Variants in WWOX observed in about 807,000 individuals in gnomAD.
WWOX encodes WW domain-containing oxidoreductase.
Under a neutral mutation model 46.2 loss-of-function variants are expected in WWOX, and 69 were observed. The ratio of observed to expected loss-of-function variants is 1.49; its 90% CI spans 1.23 to 1.82. The LOEUF (loss-of-function observed/expected upper bound fraction) is 1.82. Ranked by LOEUF, WWOX falls within the 40% of genes most tolerant of loss-of-function variation. WWOX has a pLI of 0.00. For synonymous variants in WWOX, 359 were observed against 202.6 expected (o/e 1.77, Z -6.56); for missense variants, 919 against 542.6 (o/e 1.69, Z -6.89).
chr16:78,829,028 C>T (rs1307174099), intron 8 of WWOX, among the ~76,000 whole-genome samples: 2 of 152,018 alleles, frequency 1.3e-5, no homozygotes, highest in African/African-American at 4.8e-5. Context: ...GCCATTCCAC[C>T]CCATCATAAA....
intron 8 of WWOX, among the ~76,000 whole-genome samples, chr16:78,761,953 C>A (rs778033781): frequency 6.6e-6 from 1 of 152,054 alleles, no homozygotes. Flanking sequence ...AAGACAAAGA[C>A]CACCTAGGAA....
At chr16:78,226,171 A>G (rs929556593) in intron 5 of WWOX, among the ~76,000 whole-genome samples, 3 of 152,164 alleles carry the variant, frequency 2.0e-5, no homozygotes, top group Non-Finnish European at 4.4e-5. Context: ...TTAAGCCCTC[A>G]AAGCTGAGCC....
intron 8 of WWOX, among the ~76,000 whole-genome samples, chr16:79,008,437 C>T (rs553828369): frequency 2.0e-5 from 3 of 152,306 alleles, no homozygotes; most frequent in African/African-American, 7.2e-5. Flanking sequence ...TGCTTGGTAG[C>T]CTAACTCACT....
rs954027346 is a variant in WWOX at position 78,147,510 on chromosome 16, C to T, written c.410-16673C>T. On this transcript the variant is annotated intron_variant, in intron 4 of 8. Transcript: ENST00000566780. ...TCAATTTGGACACTTTAAAAGTGAG[C>T]CTCAAAAAACTGCTGAATTTTCCCA... 6.6e-5 allele frequency among the ~76,000 whole-genome samples: 10 copies of T among 152,152 alleles called. No individual in the cohort carries two copies. The South Asian group carries it at 1.2e-3, about 19-fold the overall frequency.
At chr16:78,857,235 A>T (rs891805397) in intron 8 of WWOX, among the ~76,000 whole-genome samples, 3 of 152,222 alleles carry the variant, frequency 2.0e-5, no homozygotes, top group Non-Finnish European at 4.4e-5. Context: ...CAAGAAATTC[A>T]TTGAAAAGAA....
At position 78,418,070 on chromosome 16, in the gene WWOX, A is replaced by G. The variant is rs141575373; in HGVS notation, c.606-6800A>G. 3.8e-4 allele frequency among the ~76,000 whole-genome samples: 58 copies of G among 152,302 alleles called. No homozygotes were observed. The East Asian group carries it at 0.011, about 29-fold the overall frequency. On this transcript the variant is annotated intron_variant, in intron 6 of 8. Coordinates refer to ENST00000566780, the MANE Select transcript of WWOX (RefSeq NM_016373.4). ...GTGCTTTCCAGCAAGCGCTTAAAGA[A>G]TTAATACTGGCCGGGAACGGTGGCT...
chr16:78,364,759 T>TAAA (rs2081495449), intron 5 of WWOX, among the ~76,000 whole-genome samples: 1 of 152,216 alleles, frequency 6.6e-6, no homozygotes, highest in Non-Finnish European at 1.5e-5. Context: ...TGTGCTACCC[T>TAAA]GTGTATGTCT....
intron 8 of WWOX, among the ~76,000 whole-genome samples, chr16:78,676,531 C>G (rs1248830976): frequency 6.6e-6 from 1 of 151,958 alleles, no homozygotes; most frequent in African/African-American, 2.4e-5. Context: ...TGTTCCAACT[C>G]AAAGTCTACA....
At chr16:78,949,720 T>A (rs767136737) in intron 8 of WWOX, among the ~76,000 whole-genome samples, 13 of 152,224 alleles carry the variant, frequency 8.5e-5, no homozygotes, top group Non-Finnish European at 1.2e-4. Flanking sequence ...TAGCTGTCCC[T>A]GATCTACCTT....
Position 78,336,697 on chromosome 16 carries a change from C to G in WWOX, c.517-50163C>G, listed in dbSNP as rs541920824. Among the ~76,000 whole-genome samples, 13 of 152,138 alleles carry G rather than the reference C, an allele frequency of 8.5e-5. No homozygotes were observed. In the South Asian group the frequency reaches 2.5e-3, roughly 29 times the overall value. ...GGGAACATAGACCCAGAGCTGCCAT[C>G]TTTTCTAATTTTTTTAAAAATTAGA... On this transcript the variant is annotated intron_variant, in intron 5 of 8. Coordinates refer to ENST00000566780, the MANE Select transcript of WWOX (RefSeq NM_016373.4).
chr16:78,684,271 C>G (rs887621763), intron 8 of WWOX, among the ~76,000 whole-genome samples: 1 of 152,160 alleles, frequency 6.6e-6, no homozygotes, highest in Non-Finnish European at 1.5e-5. Context: ...ATGATTGGAC[C>G]TGCGGTCTGT....
chr16:79,187,967 C>G (rs79457880), intron 8 of WWOX, among the ~76,000 whole-genome samples: 1 of 152,230 alleles, frequency 6.6e-6, no homozygotes, highest in African/African-American at 2.4e-5. Flanking sequence ...CCTCTTATCT[C>G]GAAATGTCCA....
At chr16:78,656,182 G>C (rs895400690) in intron 8 of WWOX, among the ~76,000 whole-genome samples, 1 of 152,064 alleles carries the variant, frequency 6.6e-6, no homozygotes. Flanking sequence ...GTGTGTGTGG[G>C]TGGGTGGGTG....
chr16:78,496,550 C>G (rs965030920), intron 8 of WWOX: 3 of 152,184 alleles, frequency 2.0e-5, no homozygotes, highest in African/African-American at 7.2e-5. Context: ...CATTCTATGA[C>G]CATTGAATCT....
intron 8 of WWOX, among the ~76,000 whole-genome samples, chr16:78,860,056 C>G (rs1420302634): frequency 1.3e-5 from 2 of 152,080 alleles, no homozygotes; most frequent in African/African-American, 4.8e-5. Context: ...AAAATTGTAA[C>G]AATTTTCTAG....
intron 8 of WWOX, among the ~76,000 whole-genome samples, chr16:78,573,585 C>T (rs1163382611): frequency 6.6e-6 from 1 of 152,170 alleles, no homozygotes; most frequent in Non-Finnish European, 1.5e-5. Context: ...TTATAATGCT[C>T]AGCTTGTCAT....
intron 8 of WWOX, among the ~76,000 whole-genome samples, chr16:78,764,574 C>T (rs972486044): frequency 2.9e-5 from 4 of 138,276 alleles, no homozygotes; most frequent in African/African-American, 5.3e-5. Context: ...ATCTGTTACT[C>T]GCTCACATGT....
At chr16:78,757,461 C>T (rs534431485) in intron 8 of WWOX, among the ~76,000 whole-genome samples, 3 of 152,170 alleles carry the variant, frequency 2.0e-5, no homozygotes, top group South Asian at 4.1e-4. Flanking sequence ...GATGTGTTTG[C>T]CTGACAAATA....
At chr16:79,040,400 G>C (rs1003288555) in intron 8 of WWOX, among the ~76,000 whole-genome samples, 10 of 150,902 alleles carry the variant, frequency 6.6e-5, no homozygotes, top group Non-Finnish European at 1.3e-4. Flanking sequence ...TCAGCCTCAT[G>C]AGCAGCTGGG....
Sources: gnomAD v4.1 joint callset for allele counts (sites outside exome capture counted in the v4.1 genomes callset) on GRCh38, gnomAD v4.1.1 for gene constraint, MANE v1.5 for transcripts, NCBI Gene and HGNC (gene_info 2026-07-23, HGNC 2026-07-21) for gene names.